PCLO: variants seen among roughly 807,000 people sequenced by gnomAD.
The protein encoded by PCLO is protein piccolo.
PCLO carries 82 observed loss-of-function variants against 427.5 expected under a neutral mutation model. The observed-to-expected ratio is 0.19, with a 90% CI of 0.16 to 0.23. PCLO has a LOEUF of 0.23. PCLO is among the 10% of genes least tolerant of loss of function. PCLO has a pLI of 1.00. For missense variants in PCLO, 6,239 were observed against 6,115.9 expected, an observed-to-expected ratio of 1.02 and a Z score of -0.67; for synonymous variants, 2,357 against 2,155.4, an observed-to-expected ratio of 1.09 and a Z score of -2.59.
chr7:83,060,787 C>T (rs1789524745), intron 3 of PCLO, among the ~76,000 whole-genome samples: 1 of 152,144 alleles, frequency 6.6e-6, no homozygotes, highest in South Asian at 2.1e-4. Context: ...TCCTTGTTAG[C>T]CACAGTTGCT....
At chr7:83,131,635 G>C (rs1791575384) in intron 3 of PCLO, among the ~76,000 whole-genome samples, 1 of 152,034 alleles carries the variant, frequency 6.6e-6, no homozygotes, top group South Asian at 2.1e-4. Context: ...TTTCTTGAGG[G>C]AATACCATTT....
At chr7:83,078,448 CCA>C (rs1429534315) in intron 3 of PCLO, among the ~76,000 whole-genome samples, 1 of 151,942 alleles carries the variant, frequency 6.6e-6, no homozygotes, top group African/African-American at 2.4e-5. Context: ...GTATACTTTT[CCA>C]CAGTTTGTGT....
At chr7:82,871,937 CT>C (rs1793248339) in intron 10 of PCLO, among the ~76,000 whole-genome samples, 1 of 151,832 alleles carries the variant, frequency 6.6e-6, no homozygotes, top group South Asian at 2.1e-4. Flanking sequence ...GAACTTTCTA[CT>C]TTGGACCACA....
intron 6 of PCLO, among the ~76,000 whole-genome samples, chr7:82,948,334 A>G (rs1795251995): frequency 6.6e-6 from 1 of 152,008 alleles, no homozygotes; most frequent in African/African-American, 2.4e-5. Flanking sequence ...CTAGAAAACT[A>G]GAAAACATAA....
chr7:83,055,914 T>C (rs1789367455), intron 3 of PCLO, among the ~76,000 whole-genome samples: 1 of 152,146 alleles, frequency 6.6e-6, no homozygotes, highest in African/African-American at 2.4e-5. Context: ...AACTTCTCGC[T>C]TGGGTGGGTG....
At chr7:82,833,996 A>G (rs1792163352) in intron 16 of PCLO, among the ~76,000 whole-genome samples, 1 of 152,274 alleles carries the variant, frequency 6.6e-6, no homozygotes, top group East Asian at 1.9e-4. Flanking sequence ...CTAACTTACA[A>G]TGTCAGTACC....
At chr7:83,059,357 A>AATATATATATATATATATATGT (rs1789483569) in intron 3 of PCLO, among the ~76,000 whole-genome samples, 1 of 111,816 alleles carries the variant, frequency 8.9e-6, no homozygotes, top group East Asian at 2.9e-4. Context: ...ACACCTTTAA[A>AATATATATATATATATATATGT]ATATATATAT....
At chr7:82,928,468 C>T (rs1259554610) in intron 6 of PCLO, among the ~76,000 whole-genome samples, 2 of 152,144 alleles carry the variant, frequency 1.3e-5, no homozygotes, top group East Asian at 1.9e-4. Flanking sequence ...ATGACCTCCA[C>T]CTCACAGGTT....
At chr7:82,803,370 T>C (rs1791398281) in intron 21 of PCLO, among the ~76,000 whole-genome samples, 1 of 152,116 alleles carries the variant, frequency 6.6e-6, no homozygotes, top group African/African-American at 2.4e-5. Context: ...TAAAAAGTAG[T>C]TACTGTAAGT....
At chr7:83,038,019 A>T (rs865968641) in intron 3 of PCLO, among the ~76,000 whole-genome samples, 42 of 47,018 alleles carry the variant, frequency 8.9e-4, no homozygotes, top group Middle Eastern at 7.9e-3. Flanking sequence ...ATATATATAT[A>T]TATATATATA....
intron 3 of PCLO, among the ~76,000 whole-genome samples, chr7:83,097,879 A>T (rs947456639): frequency 1.3e-5 from 2 of 152,022 alleles, no homozygotes; most frequent in Admixed American, 6.6e-5. Flanking sequence ...TATATAATAC[A>T]TGGAAAAGAT....
At position 82,965,947 on chromosome 7, in the gene PCLO, C is replaced by T. The variant is rs1795758553; in HGVS notation, c.3841G>A (p.Ala1281Thr). Residue 1281 changes from alanine (A) to threonine (T), a missense_variant, in exon 4 of 25, where the codon GCT becomes ACT. Ala to Thr is a moderately conservative substitution (Grantham distance 58). Transcript: ENST00000333891. ...TTCCCTTCTTGCACTGTCTTTGGAG[C>T]CACTCTGCCTTCAAGCTTTTCTTCA... ...IAEEKLEGRV[A>T]PKTVQEGKQP... is the part of the protein sequence containing the mutation. 1 of 1,613,808 alleles carries T rather than the reference C, an allele frequency of 6.2e-7. No individual in the cohort carries two copies. Among genetic ancestry groups the T allele is most frequent in the African/African-American group, 1.3e-5 (1 of 74,896 alleles).
chr7:82,806,170 G>T (rs1044334158), intron 20 of PCLO, among the ~76,000 whole-genome samples: 6 of 152,020 alleles, frequency 3.9e-5, no homozygotes, highest in Non-Finnish European at 8.8e-5. Flanking sequence ...TAAATAAAAA[G>T]AATTTTGGCT....
chr7:83,108,006 A>G (rs1790909231), intron 3 of PCLO, among the ~76,000 whole-genome samples: 1 of 150,792 alleles, frequency 6.6e-6, no homozygotes, highest in Non-Finnish European at 1.5e-5. Context: ...AAAAAAAAAA[A>G]AAAAAAGGAA....
chr7:82,927,426 ATT>A (rs1244531258), intron 6 of PCLO, among the ~76,000 whole-genome samples: 1 of 152,012 alleles, frequency 6.6e-6, no homozygotes, highest in Non-Finnish European at 1.5e-5. Context: ...GTGTTTTTGA[ATT>A]TTCAGTCTGG....
At chr7:83,146,478 T>C (rs1791996358) in intron 2 of PCLO, among the ~76,000 whole-genome samples, 1 of 152,238 alleles carries the variant, frequency 6.6e-6, no homozygotes, top group Non-Finnish European at 1.5e-5. Context: ...GAATTTAGTT[T>C]AGTTATAAAT....
In PCLO at chr7:82,953,533, G is replaced by A. The variant is rs367769718; in HGVS notation, c.7420C>T (p.Pro2474Ser). The change falls in exon 5 of 25, where the codon CCT becomes TCT. Residue 2474 changes from proline (P) to serine (S), a missense_variant. Around this residue, in one of 5 missense-constraint regions of PCLO, gnomAD observed 4,677 missense variants for 4,468.4 expected, o/e 1.05. Transcript: ENST00000333891. The stretch of plus-strand genomic sequence containing the variant: ...GCAGTAGTACATATTCTTGTAACAG[G>A]TAATCCATTACTTCTCAGAACAGCT... ...TTAVLRSNGLPVTRICTTAPP... is the reference protein window; with the variant it reads ...TTAVLRSNGLSVTRICTTAPP... The A allele has an allele frequency of 6.2e-7, 1 of 1,613,122 alleles. No homozygotes were observed. Among genetic ancestry groups the A allele is most frequent in the African/African-American group, 1.3e-5 (1 of 74,880 alleles).
At chr7:83,080,933 A>T (rs1790083139) in intron 3 of PCLO, among the ~76,000 whole-genome samples, 1 of 151,706 alleles carries the variant, frequency 6.6e-6, no homozygotes, top group Non-Finnish European at 1.5e-5. Context: ...TAATAATAAA[A>T]TAAAAATAAT....
At chr7:83,050,208 G>GAAAAAAAAAAAAA (rs556193471) in intron 3 of PCLO, among the ~76,000 whole-genome samples, 6 of 5,460 alleles carry the variant, frequency 1.1e-3, no homozygotes, top group African/African-American at 1.0e-3. Context: ...CTGAAAAACT[G>GAAAAAAAAAAAAA]AAAAAAAAAA....
Sources: gnomAD v4.1 joint callset for allele counts (sites outside exome capture counted in the v4.1 genomes callset) on GRCh38, gnomAD v4.1.1 for gene constraint, gnomAD v4.1.1 regional missense constraint, MANE v1.5 for transcripts, NCBI Gene and HGNC (gene_info 2026-07-23, HGNC 2026-07-21) for gene names.